Variants in CSMD1 observed in about 807,000 individuals in gnomAD.
The protein encoded by CSMD1 is CUB and Sushi multiple domains 1, also known as CUB and sushi domain-containing protein 1.
A neutral mutation model predicts 417.5 loss-of-function variants in CSMD1; 213 were observed. That is an observed-to-expected ratio of 0.51 (90% CI 0.46 to 0.57). CSMD1 has a LOEUF of 0.57. Among genes scored for constraint, CSMD1 ranks in the 20% least tolerant of loss-of-function variants. The pLI is 0.00. For synonymous variants in CSMD1, 2,862 were observed against 1,736.8 expected (o/e 1.65, Z -16.11); for missense variants, 6,923 against 4,529.7 (o/e 1.53, Z -15.17).
intron 3 of CSMD1, among the ~76,000 whole-genome samples, chr8:4,131,227 G>C (rs1803082874): frequency 6.6e-6 from 1 of 152,122 alleles, no homozygotes; most frequent in Non-Finnish European, 1.5e-5. Flanking sequence ...TAAGTATACG[G>C]CATGTGGTGT....
chr8:4,314,047 A>G (rs910769522), intron 3 of CSMD1, among the ~76,000 whole-genome samples: 3 of 151,292 alleles, frequency 2.0e-5, no homozygotes, highest in East Asian at 1.9e-4. Flanking sequence ...GATAATAATA[A>G]TAATAATTCC....
rs78571835 is a variant in CSMD1, at chr8:4,972,128, T to C, written c.85+22204A>G. Among the ~76,000 whole-genome samples, 196 of 152,236 alleles carry C rather than the reference T, an allele frequency of 1.3e-3. 4 individuals carry two copies. In the East Asian group the frequency reaches 0.021, roughly 17 times the overall value. On this transcript the variant is annotated intron_variant, in intron 1 of 69. Coordinates refer to ENST00000635120, the MANE Select transcript of CSMD1 (RefSeq NM_033225.6). ...CTGATAAAAGAAAGAGTAATATCGT[T>C]ATACGCTGCCCCTGTAGGTAGAAAT... is the stretch of plus-strand genomic sequence containing the variant.
chr8:4,509,161 A>T (rs1802690430), intron 2 of CSMD1, among the ~76,000 whole-genome samples: 1 of 152,226 alleles, frequency 6.6e-6, no homozygotes. Flanking sequence ...GGAGAATTGA[A>T]GTATTAATTC....
chr8:4,761,825 A>G (rs1812088663), intron 1 of CSMD1, among the ~76,000 whole-genome samples: 1 of 151,774 alleles, frequency 6.6e-6, no homozygotes, highest in Admixed American at 6.6e-5. Context: ...AAATAGCAAA[A>G]TAGTACCATG....
intron 10 of CSMD1, among the ~76,000 whole-genome samples, chr8:3,551,365 G>C (rs565932572): frequency 6.6e-6 from 1 of 152,186 alleles, no homozygotes; most frequent in South Asian, 2.1e-4. Flanking sequence ...TGAGTCATTG[G>C]TTTTAAGCCT....
chr8:3,264,502 T>A (rs189741053), intron 26 of CSMD1, among the ~76,000 whole-genome samples: 30 of 152,312 alleles, frequency 2.0e-4, no homozygotes, highest in Admixed American at 1.8e-3. Context: ...GGGAAAAATC[T>A]AATTTGAGAA....
chr8:4,297,163 C>A (rs1797731989), intron 3 of CSMD1, among the ~76,000 whole-genome samples: 1 of 152,020 alleles, frequency 6.6e-6, no homozygotes, highest in African/African-American at 2.4e-5. Context: ...ATAAAATAGT[C>A]ATGAATATAC....
chr8:3,891,048 T>G (rs890487664), intron 5 of CSMD1, among the ~76,000 whole-genome samples: 4 of 151,954 alleles, frequency 2.6e-5, no homozygotes, highest in Non-Finnish European at 5.9e-5. Flanking sequence ...GTTTTTTTTT[T>G]GTTTTATTTT....
chr8:3,745,425 G>T (rs997686419), intron 6 of CSMD1, among the ~76,000 whole-genome samples: 1 of 152,182 alleles, frequency 6.6e-6, no homozygotes, highest in Non-Finnish European at 1.5e-5. Context: ...ACAAAGAAAG[G>T]TCTTACAAAC....
intron 1 of CSMD1, among the ~76,000 whole-genome samples, chr8:4,845,457 A>T (rs977690799): frequency 6.6e-6 from 1 of 152,228 alleles, no homozygotes; most frequent in Admixed American, 6.5e-5. Flanking sequence ...AAAATCTTCA[A>T]GTGCAATCAG....
chr8:3,457,878 C>G (rs1467198516), intron 12 of CSMD1, among the ~76,000 whole-genome samples: 1 of 152,140 alleles, frequency 6.6e-6, no homozygotes, highest in East Asian at 1.9e-4. Context: ...CATTCACACA[C>G]TCATGGAACA....
intron 1 of CSMD1, among the ~76,000 whole-genome samples, chr8:4,774,539 G>A (rs528604311): frequency 6.6e-6 from 1 of 152,232 alleles, no homozygotes; most frequent in African/African-American, 2.4e-5. Flanking sequence ...ATCATGTCCA[G>A]GCAGACATAT....
At position 3,846,088 on chromosome 8, in the gene CSMD1, A is replaced by C. The variant is rs537058085; in HGVS notation, c.819-92046T>G. Among the ~76,000 whole-genome samples, 17 of 137,606 alleles carry C rather than the reference A, an allele frequency of 1.2e-4. No individual in the cohort carries two copies. The South Asian group carries it at 3.6e-3, about 29-fold the overall frequency. 90.3% of individuals were successfully genotyped at this position (137,606 alleles called of 152,430 possible). A position where few individuals can be genotyped will look rare whatever the true frequency, so the allele number is the denominator to read the frequency against. On this transcript the variant is annotated intron_variant, in intron 5 of 69. Transcript: ENST00000635120. The stretch of plus-strand genomic sequence containing the variant: ...AAAAAAAAATAATAAGCAGCAGTAG[A>C]CTTCTATAATAAAAAGTATAGTAAT...
intron 23 of CSMD1, among the ~76,000 whole-genome samples, chr8:3,312,648 G>T (rs553833646): frequency 6.6e-6 from 1 of 152,268 alleles, no homozygotes; most frequent in Non-Finnish European, 1.5e-5. Context: ...ATACCTTGAA[G>T]GACTAGAGAA....
chr8:4,164,246 A>C (rs1177777581), intron 3 of CSMD1, among the ~76,000 whole-genome samples: 1 of 152,228 alleles, frequency 6.6e-6, no homozygotes, highest in Non-Finnish European at 1.5e-5. Flanking sequence ...AGTTAGAAAA[A>C]AACAAAATGA....
At chr8:4,413,175 C>T (rs566854181) in intron 3 of CSMD1, among the ~76,000 whole-genome samples, 1 of 152,136 alleles carries the variant, frequency 6.6e-6, no homozygotes, top group Non-Finnish European at 1.5e-5. Flanking sequence ...AGAGTTAACA[C>T]CTTAAATTCA....
At chr8:3,308,568 T>TGAAACAAA in intron 23 of CSMD1, 65 bp from the exon 24 acceptor site, 9 of 1,328,046 alleles carry the variant, frequency 6.8e-6, no homozygotes, top group Non-Finnish European at 9.5e-6. Context: ...AAAACAGAGA[T>TGAAACAAA]GAAACAAACA....
At chr8:3,436,375 T>C (rs1388691974) in intron 12 of CSMD1, among the ~76,000 whole-genome samples, 2 of 152,192 alleles carry the variant, frequency 1.3e-5, no homozygotes, top group African/African-American at 4.8e-5. Flanking sequence ...TTATTTTCAC[T>C]GCAAAACTGT....
At chr8:4,368,369 T>C (rs946188570) in intron 3 of CSMD1, among the ~76,000 whole-genome samples, 3 of 152,206 alleles carry the variant, frequency 2.0e-5, no homozygotes, top group South Asian at 4.1e-4. Context: ...CTTTTTCATC[T>C]GCTGCTGGAT....
Sources: gnomAD v4.1 joint callset for allele counts (sites outside exome capture counted in the v4.1 genomes callset) on GRCh38, gnomAD v4.1.1 for gene constraint, MANE v1.5 for transcripts, NCBI Gene and HGNC (gene_info 2026-07-23, HGNC 2026-07-21) for gene names.